The following WDR70 variants were observed in gnomAD, a reference collection of about 807,000 sequenced individuals.
The protein encoded by WDR70 is WD repeat-containing protein 70.
Under a neutral mutation model 88.6 loss-of-function variants are expected in WDR70, and 53 were observed. That is an observed-to-expected ratio of 0.60 (90% CI 0.48 to 0.75). WDR70 has a LOEUF of 0.75. Ranked by LOEUF, WDR70 falls within the 30% of genes least tolerant of loss-of-function variation. The pLI is 0.00. For synonymous variants in WDR70, 280 were observed against 270.0 expected, an observed-to-expected ratio of 1.04 and a Z score of -0.36; for missense variants, 610 against 823.2, an observed-to-expected ratio of 0.74 and a Z score of 3.17.
chr5:37,598,309 C>T (rs1743760050), intron 9 of WDR70, among the ~76,000 whole-genome samples: 3 of 152,128 alleles, frequency 2.0e-5, no homozygotes, highest in African/African-American at 7.2e-5. Context: ...CACACACAGA[C>T]ATAAAGTGTC....
At chr5:37,430,250 A>G (rs1314696706) in intron 5 of WDR70, among the ~76,000 whole-genome samples, 2 of 152,162 alleles carry the variant, frequency 1.3e-5, no homozygotes, top group African/African-American at 4.8e-5. Context: ...AAGGTCAGAG[A>G]AAGGGAGTGA....
At chr5:37,625,907 G>A (rs1183432327) in intron 10 of WDR70, among the ~76,000 whole-genome samples, 2 of 151,512 alleles carry the variant, frequency 1.3e-5, no homozygotes, top group Non-Finnish European at 2.9e-5. Context: ...CCTATTAGAT[G>A]AGTAGTTCAT....
chr5:37,562,700 C>T (rs1269401166), intron 9 of WDR70, among the ~76,000 whole-genome samples: 2 of 152,084 alleles, frequency 1.3e-5, no homozygotes, highest in Non-Finnish European at 2.9e-5. Context: ...ACATCTTGCA[C>T]CACCCTTAAT....
At chr5:37,597,270 CT>C (rs1743731663) in intron 9 of WDR70, among the ~76,000 whole-genome samples, 1 of 152,090 alleles carries the variant, frequency 6.6e-6, no homozygotes, top group Non-Finnish European at 1.5e-5. Flanking sequence ...TTATAAGAAA[CT>C]GTTTTCCACA....
intron 9 of WDR70, among the ~76,000 whole-genome samples, chr5:37,569,967 C>A (rs1046531080): frequency 1.3e-5 from 2 of 151,980 alleles, no homozygotes; most frequent in Non-Finnish European, 2.9e-5. Context: ...GAAATAGGGA[C>A]TAATAGTAAG....
intron 17 of WDR70, among the ~76,000 whole-genome samples, chr5:37,737,646 A>G (rs1399418954): frequency 5.3e-5 from 8 of 152,216 alleles, no homozygotes; most frequent in African/African-American, 1.7e-4. Flanking sequence ...ACACAGTTAT[A>G]TATCTTATAA....
chr5:37,509,656 A>C (rs1446734002), intron 8 of WDR70, among the ~76,000 whole-genome samples: 4 of 152,182 alleles, frequency 2.6e-5, no homozygotes, highest in Admixed American at 1.3e-4. Flanking sequence ...GTCAACACTT[A>C]GTGCTGCTCT....
intron 5 of WDR70, among the ~76,000 whole-genome samples, chr5:37,409,313 TA>T: frequency 6.6e-6 from 1 of 152,282 alleles, no homozygotes; most frequent in South Asian, 2.1e-4. Flanking sequence ...AAATGAGATG[TA>T]ATCTTTTTGG....
At chr5:37,646,018 A>AT (rs371112443) in intron 10 of WDR70, among the ~76,000 whole-genome samples, 2 of 151,632 alleles carry the variant, frequency 1.3e-5, no homozygotes, top group Non-Finnish European at 2.9e-5. Flanking sequence ...AATTAAAAAA[A>AT]TTTTTTTTGT....
chr5:37,548,173 T>G (rs57732968), intron 9 of WDR70, among the ~76,000 whole-genome samples: 15,892 of 152,206 alleles, frequency 0.1, 955 homozygotes, highest in African/African-American at 0.16. Context: ...AGCAGTGGGA[T>G]TGCTGAATTA....
chr5:37,613,961 A>G (rs1199241544), intron 10 of WDR70, among the ~76,000 whole-genome samples: 4 of 152,240 alleles, frequency 2.6e-5, no homozygotes, highest in Non-Finnish European at 5.9e-5. Context: ...AATCTAGCCC[A>G]CTACCTGTTT....
chr5:37,548,690 TGGG>T (rs1742062486), intron 9 of WDR70, among the ~76,000 whole-genome samples: 1 of 152,292 alleles, frequency 6.6e-6, no homozygotes, highest in Admixed American at 6.5e-5. Flanking sequence ...CCTGTGCTTG[TGGG>T]GTATTACTCA....
At chr5:37,683,252 T>A (rs1284878772) in intron 10 of WDR70, among the ~76,000 whole-genome samples, 1 of 152,172 alleles carries the variant, frequency 6.6e-6, no homozygotes, top group Non-Finnish European at 1.5e-5. Context: ...GAAGACAACA[T>A]ACGATTTGGT....
intron 10 of WDR70, among the ~76,000 whole-genome samples, chr5:37,675,270 G>T (rs1321683096): frequency 6.6e-6 from 1 of 152,100 alleles, no homozygotes; most frequent in Non-Finnish European, 1.5e-5. Context: ...TGCTTTTGTT[G>T]CCATTGCTTT....
At chr5:37,381,111 C>T (rs1411511155) in intron 2 of WDR70, among the ~76,000 whole-genome samples, 1 of 152,156 alleles carries the variant, frequency 6.6e-6, no homozygotes, top group African/African-American at 2.4e-5. Context: ...ATTTCTGTTT[C>T]CCTCTTAGCT....
At chr5:37,619,825 A>G (rs1744455558) in intron 10 of WDR70, among the ~76,000 whole-genome samples, 1 of 151,546 alleles carries the variant, frequency 6.6e-6, no homozygotes, top group Admixed American at 6.6e-5. Context: ...CTTTTCAGAA[A>G]TGTTTATTAT....
chr5:37,552,746 C>G (rs1464486730), intron 9 of WDR70, among the ~76,000 whole-genome samples: 1 of 152,148 alleles, frequency 6.6e-6, no homozygotes, highest in Non-Finnish European at 1.5e-5. Context: ...TATTTTGGGT[C>G]GTTCGCTACA....
At chr5:37,717,694 G>C (rs941799249) in intron 13 of WDR70, among the ~76,000 whole-genome samples, 1 of 152,192 alleles carries the variant, frequency 6.6e-6, no homozygotes, top group Non-Finnish European at 1.5e-5. Context: ...AGTTAGCAGC[G>C]TGGCAGCTCA....
At chr5:37,644,637 A>C (rs1020691158) in intron 10 of WDR70, among the ~76,000 whole-genome samples, 3 of 151,848 alleles carry the variant, frequency 2.0e-5, no homozygotes, top group African/African-American at 7.2e-5. Context: ...AAACTTTATT[A>C]TGGCTTCATC....
Sources: gnomAD v4.1 joint callset for allele counts (sites outside exome capture counted in the v4.1 genomes callset) on GRCh38, gnomAD v4.1.1 for gene constraint, MANE v1.5 for transcripts, NCBI Gene and HGNC (gene_info 2026-07-23, HGNC 2026-07-21) for gene names.